Variants in FOXK1 observed in about 807,000 individuals in gnomAD.
The protein encoded by FOXK1 is forkhead box protein K1.
In FOXK1, 19 loss-of-function variants were observed where a neutral mutation model predicts 51.9. The ratio of observed to expected loss-of-function variants is 0.37; its 90% CI spans 0.26 to 0.54. The LOEUF is 0.54. Ranked by LOEUF, FOXK1 falls within the 20% of genes least tolerant of loss-of-function variation. The pLI is 0.87. For synonymous variants in FOXK1, 537 were observed against 482.6 expected, an observed-to-expected ratio of 1.11 and a Z score of -1.48; for missense variants, 870 against 1,032.7, an observed-to-expected ratio of 0.84 and a Z score of 2.16.
rs532678737 is a variant in FOXK1, at chr7:4,713,298, G to A, written c.561-27540G>A. On this transcript the variant is annotated intron_variant, in intron 1 of 8. Coordinates refer to ENST00000328914, the MANE Select transcript of FOXK1 (RefSeq NM_001037165.2). ...TGCCAGGCCCCAAGCTAGGCTCTGG[G>A]GTTGGGGCGGGCTGGGATTCCCGCT... Among the ~76,000 whole-genome samples, 498 of 152,236 alleles carry A rather than the reference G, an allele frequency of 3.3e-3. 2 individuals carry two copies. The highest frequency in any genetic ancestry group is 0.011 in the African/African-American group (440 of 41,538).
chr7:4,702,476 G>A (rs1780033076), intron 1 of FOXK1, among the ~76,000 whole-genome samples: 1 of 152,118 alleles, frequency 6.6e-6, no homozygotes, highest in Admixed American at 6.6e-5. Context: ...CGGAGTAGCT[G>A]GGATTACAGG....
Position 4,764,709 on chromosome 7 carries a change from G to T in FOXK1, c.*2245G>T. 6.6e-6 allele frequency: 1 copy of T among 152,322 alleles called. No homozygotes were observed. The highest frequency in any genetic ancestry group is 1.9e-4 in the East Asian group (1 of 5,174). The allele number at this position is 152,322 out of a possible 1,614,324, so 9.4% of individuals were successfully genotyped here. The stretch of plus-strand genomic sequence containing the variant: ...GTGGTGACTATATGTCCTCAGGGCT[G>T]CCTGTGGCCACCCTGATGGGAGACC... On this transcript the variant is annotated 3_prime_UTR_variant, in exon 9 of 9. Transcript: ENST00000328914.
rs1175984730 is a variant in FOXK1 at position 4,759,042 on chromosome 7, G to C, written c.1245-9G>C. The C allele has an allele frequency of 2.5e-6, 4 of 1,581,560 alleles. No individual in the cohort carries two copies. The African/African-American group carries it at 4.0e-5, about 16-fold the overall frequency. On this transcript the variant is annotated splice_polypyrimidine_tract_variant and intron_variant, in intron 5 of 8. Transcript: ENST00000328914. ...GCGCTGACTGCCGCGGCCCTTGCCT[G>C]TCTTCCAGGAGCGCTCCAGCTTCGC...
At chr7:4,700,482 T>C (rs1316872840) in intron 1 of FOXK1, among the ~76,000 whole-genome samples, 1 of 152,152 alleles carries the variant, frequency 6.6e-6, no homozygotes, top group Non-Finnish European at 1.5e-5. Context: ...CATAAGTAAT[T>C]GTGAGAATTA....
At chr7:4,691,103 C>T (rs1207506981) in intron 1 of FOXK1, among the ~76,000 whole-genome samples, 1 of 152,090 alleles carries the variant, frequency 6.6e-6, no homozygotes, top group Non-Finnish European at 1.5e-5. Context: ...ACAGAATGTG[C>T]GTAACCAAGA....
chr7:4,746,320 G>C (rs1780701514), intron 2 of FOXK1, among the ~76,000 whole-genome samples: 1 of 152,144 alleles, frequency 6.6e-6, no homozygotes, highest in Admixed American at 6.6e-5. Flanking sequence ...TTTTGAGTTT[G>C]GAGGTTATTG....
chr7:4,753,933 G>A lies in FOXK1; in HGVS notation c.747-526G>A, dbSNP rs1046205868. Among the ~76,000 whole-genome samples, 1 of 152,176 alleles carries A rather than the reference G, an allele frequency of 6.6e-6. No individual in the cohort carries two copies. Among genetic ancestry groups the A allele is most frequent in the Non-Finnish European group, 1.5e-5 (1 of 68,026 alleles). On this transcript the variant is annotated intron_variant, in intron 2 of 8. Coordinates refer to ENST00000328914, the MANE Select transcript of FOXK1 (RefSeq NM_001037165.2). The surrounding 1 kb of genome is among the most constrained non-coding windows in gnomAD (Gnocchi z 4.9). ...GCAGGGGTCATCTCTTCCCGAGGGC[G>A]GTGTCTCCAGGAGAGCCACCTGCCA...
At chr7:4,698,558 G>C (rs767845147) in intron 1 of FOXK1, among the ~76,000 whole-genome samples, 1 of 152,034 alleles carries the variant, frequency 6.6e-6, no homozygotes, top group Non-Finnish European at 1.5e-5. Flanking sequence ...CCTCTTTGTT[G>C]TTGTTGTTGT....
rs559057471 is a variant in FOXK1, at chr7:4,722,275, G to A, written c.561-18563G>A. On this transcript the variant is annotated intron_variant, in intron 1 of 8. Transcript: ENST00000328914. This position sits in a 1 kb window ranked among gnomAD's most constrained non-coding sequence, Gnocchi z 5.1. The stretch of plus-strand genomic sequence containing the variant: ...TTTGCATTCTCTGCCTTTCCCGAGC[G>A]TCCCTGCCTCAGATTCCAAAATCTG... Among the ~76,000 whole-genome samples, 8 of 132,870 alleles carry A rather than the reference G, an allele frequency of 6.0e-5. No individual in the cohort carries two copies. Among genetic ancestry groups the A allele is most frequent in the Non-Finnish European group, 1.1e-4 (6 of 54,332 alleles). 87.2% of individuals were successfully genotyped at this position (132,870 alleles called of 152,430 possible). A position where few individuals can be genotyped will look rare whatever the true frequency, so the allele number is the denominator to read the frequency against.
At chr7:4,694,089 G>A (rs1779924408) in intron 1 of FOXK1, among the ~76,000 whole-genome samples, 1 of 152,154 alleles carries the variant, frequency 6.6e-6, no homozygotes, top group South Asian at 2.1e-4. Context: ...GTCTCACTAT[G>A]TTGCCCAGGC....
Position 4,682,958 on chromosome 7 carries a change from C to T in FOXK1, c.560+90C>T, listed in dbSNP as rs1201743461. Reference sequence around the variant, plus strand: ...CCCGGGCCTGGGGATCCCCCTCCAGCTTCCTCGGCCTCGACCCCCACCCCC... The same window carrying T: ...CCCGGGCCTGGGGATCCCCCTCCAGTTTCCTCGGCCTCGACCCCCACCCCC... On this transcript the variant is annotated intron_variant, in intron 1 of 8. Transcript: ENST00000328914. This position sits in a 1 kb window ranked among gnomAD's most constrained non-coding sequence, Gnocchi z 7.6. 15 of 1,295,626 alleles carry T rather than the reference C, an allele frequency of 1.2e-5. No individual in the cohort carries two copies. Among genetic ancestry groups the T allele is most frequent in the Non-Finnish European group, 9.1e-6 (9 of 987,952 alleles). 80.3% of individuals were successfully genotyped at this position (1,295,626 alleles called of 1,614,324 possible).
intron 1 of FOXK1, among the ~76,000 whole-genome samples, chr7:4,700,463 T>C (rs927617371): frequency 1.3e-5 from 2 of 152,182 alleles, no homozygotes; most frequent in African/African-American, 2.4e-5. Flanking sequence ...GTGGGCACAC[T>C]TCCTTTTTCA....
chr7:4,726,090 C>T (rs1173311421), intron 1 of FOXK1, among the ~76,000 whole-genome samples: 1 of 151,518 alleles, frequency 6.6e-6, no homozygotes, highest in Non-Finnish European at 1.5e-5. Context: ...TGGGGGCTCT[C>T]TTGAGCTTTG....
In FOXK1 at chr7:4,694,592, A is replaced by G. The variant is rs1779930463; in HGVS notation, c.560+11724A>G. Among the ~76,000 whole-genome samples the G allele has an allele frequency of 2.6e-5, 4 of 152,292 alleles. No individual in the cohort carries two copies. The East Asian group carries it at 5.8e-4, about 22-fold the overall frequency. ...GACCCCAACAGTGCCCTCTCTCACA[A>G]ATGGATTCTGGGGCTTGGTCTTTAT... On this transcript the variant is annotated intron_variant, in intron 1 of 8. Coordinates refer to ENST00000328914, the MANE Select transcript of FOXK1 (RefSeq NM_001037165.2).
intron 1 of FOXK1, among the ~76,000 whole-genome samples, chr7:4,695,704 A>G (rs557901349): frequency 1.3e-5 from 2 of 152,286 alleles, no homozygotes; most frequent in Admixed American, 6.5e-5. Flanking sequence ...TGGGAGGCCA[A>G]TGTGGGAGGA....
Position 4,753,569 on chromosome 7 carries a change from C to T in FOXK1, c.747-890C>T, listed in dbSNP as rs1291347056. ...CTCAGGACGGGGCTAGGTGGGTGCC[C>T]GTGAGCTCAGGACAGTGGGATCTCT... On this transcript the variant is annotated intron_variant, in intron 2 of 8. Transcript: ENST00000328914. The surrounding 1 kb of genome is among the most constrained non-coding windows in gnomAD (Gnocchi z 4.9). Among the ~76,000 whole-genome samples, 9 of 152,072 alleles carry T rather than the reference C, an allele frequency of 5.9e-5. No homozygotes were observed. The highest frequency in any genetic ancestry group is 5.2e-4 in the Admixed American group (8 of 15,264).
At position 4,755,371 on chromosome 7, in the gene FOXK1, C is replaced by T; in HGVS notation, c.1038C>T (p.Asp346=). Residue 346 remains aspartate, a synonymous_variant, in exon 4 of 9, where the codon GAC becomes GAT. Coordinates refer to ENST00000328914, the MANE Select transcript of FOXK1 (RefSeq NM_001037165.2). This position sits in a 1 kb window ranked among gnomAD's most constrained non-coding sequence, Gnocchi z 6.6. ...ATTACCCCTACTACCGGACGGCCGA[C>T]AAAGGCTGGCAGGTGAAGCCGAGTC... ...TKHYPYYRTA[D]KGWQNSIRHN... is the part of the protein sequence containing the mutation. 1 of 1,613,502 alleles carries T rather than the reference C, an allele frequency of 6.2e-7. No homozygotes were observed. Among genetic ancestry groups the T allele is most frequent in the Non-Finnish European group, 8.5e-7 (1 of 1,179,980 alleles).
In FOXK1 at chr7:4,731,781, A is replaced by AACAGAGAG. The variant is rs1780480925; in HGVS notation, c.561-9056_561-9049dup. 6.6e-6 allele frequency among the ~76,000 whole-genome samples: 1 copy of AACAGAGAG among 151,796 alleles called. No homozygotes were observed. Among genetic ancestry groups the AACAGAGAG allele is most frequent in the African/African-American group, 2.4e-5 (1 of 41,344 alleles). On this transcript the variant is annotated intron_variant, in intron 1 of 8. Transcript: ENST00000328914. The surrounding 1 kb of genome is among the most constrained non-coding windows in gnomAD (Gnocchi z 5.3). ...CTCAAAAAAAAAAAAAAAAAAAGAA[A>AACAGAGAG]ACAGAGAGGCCTGCTTATAACACCA... is the stretch of plus-strand genomic sequence containing the variant.
intron 2 of FOXK1, 58 bp downstream of exon 2, chr7:4,741,081 G>C (rs894181030): frequency 2.4e-6 from 3 of 1,249,960 alleles, no homozygotes; most frequent in East Asian, 5.8e-5. Flanking sequence ...TGATGCGAGC[G>C]TGCCTGTCGT....
Sources: gnomAD v4.1 joint callset for allele counts (sites outside exome capture counted in the v4.1 genomes callset) on GRCh38, gnomAD v4.1.1 for gene constraint, Gnocchi (gnomAD v3.1) non-coding constraint, MANE v1.5 for transcripts, NCBI Gene and HGNC (gene_info 2026-07-23, HGNC 2026-07-21) for gene names.